Variants in ARFIP1 observed in about 807,000 individuals in gnomAD.
ARFIP1 encodes ARF interacting protein 1.
ARFIP1 carries 24 observed loss-of-function variants against 42.5 expected under a neutral mutation model. That is an observed-to-expected ratio of 0.57 (90% CI 0.41 to 0.80). The LOEUF (loss-of-function observed/expected upper bound fraction) is 0.80. Ranked by LOEUF, ARFIP1 falls within the 30% of genes least tolerant of loss-of-function variation. The pLI is 0.00. For synonymous variants in ARFIP1, 141 were observed against 153.7 expected (o/e 0.92, Z 0.61); for missense variants, 354 against 434.0 (o/e 0.82, Z 1.64).
chr4:152,811,136 A>G (rs1342624027), intron 1 of ARFIP1, among the ~76,000 whole-genome samples: 1 of 147,470 alleles, frequency 6.8e-6, no homozygotes, highest in Admixed American at 6.8e-5. Context: ...TGGTTGTTAA[A>G]CATTTACTAG....
chr4:152,873,056 G>T (rs1336525524), intron 5 of ARFIP1, among the ~76,000 whole-genome samples: 1 of 152,164 alleles, frequency 6.6e-6, no homozygotes, highest in Non-Finnish European at 1.5e-5. Context: ...CAGAGTAATT[G>T]GTGATTATTT....
At chr4:152,851,269 T>G (rs1257452127) in intron 2 of ARFIP1, among the ~76,000 whole-genome samples, 3 of 152,178 alleles carry the variant, frequency 2.0e-5, no homozygotes, top group Non-Finnish European at 2.9e-5. Flanking sequence ...AAAAATGTTG[T>G]GCTAGGCCAA....
At chr4:152,836,030 T>A (rs766559788) in intron 2 of ARFIP1, among the ~76,000 whole-genome samples, 1 of 152,182 alleles carries the variant, frequency 6.6e-6, no homozygotes, top group Admixed American at 6.5e-5. Flanking sequence ...TCTGCCCTCA[T>A]GATCCAGTCA....
chr4:152,876,636 G>T (rs1735357785), intron 5 of ARFIP1, among the ~76,000 whole-genome samples: 1 of 152,252 alleles, frequency 6.6e-6, no homozygotes. Flanking sequence ...TAAGTAGCAA[G>T]GATCCTAATG....
At chr4:152,877,661 G>T (rs1298673695) in intron 5 of ARFIP1, among the ~76,000 whole-genome samples, 2 of 152,050 alleles carry the variant, frequency 1.3e-5, no homozygotes, top group African/African-American at 2.4e-5. Context: ...ATATGGTTTG[G>T]TTGTGTCCTC....
intron 8 of ARFIP1, among the ~76,000 whole-genome samples, chr4:152,907,181 C>T (rs947026544): frequency 3.3e-5 from 5 of 152,116 alleles, no homozygotes; most frequent in Admixed American, 3.3e-4. Context: ...TAGAGAAGTG[C>T]CTGACACATA....
rs1328429241 is a variant in ARFIP1 at position 152,820,649 on chromosome 4, A to G, written c.-9-8976A>G. 2.0e-5 allele frequency among the ~76,000 whole-genome samples: 3 copies of G among 152,134 alleles called. No homozygotes were observed. The East Asian group carries it at 5.8e-4, about 29-fold the overall frequency. On this transcript the variant is annotated intron_variant, in intron 1 of 8. Transcript: ENST00000353617. ...GGGAAGTGCTACACACTTTGAAACA[A>G]CCAGTTTTCATGAGAACTCACTATC... is the stretch of plus-strand genomic sequence containing the variant.
At position 152,858,354 on chromosome 4, in the gene ARFIP1, T is replaced by C. The variant is rs1322497886; in HGVS notation, c.94-5252T>C. Among the ~76,000 whole-genome samples the C allele has an allele frequency of 2.6e-5, 4 of 152,274 alleles. No homozygotes were observed. The East Asian group carries it at 7.7e-4, about 29-fold the overall frequency. On this transcript the variant is annotated intron_variant, in intron 2 of 8. Coordinates refer to ENST00000353617, the MANE Select transcript of ARFIP1 (RefSeq NM_001025595.3). ...GTTCCATAGCTCAGGCAGTACTTCC[T>C]TCCTTCCTATTTTGTTTTTTATGGA...
intron 5 of ARFIP1, 98 bp from the exon 6 acceptor site, chr4:152,880,865 G>C: frequency 1.1e-6 from 1 of 922,822 alleles, no homozygotes; most frequent in Non-Finnish European, 1.7e-6. Context: ...TGTTACGCTA[G>C]CTTGTTTGAA....
chr4:152,842,788 A>C (rs1732201043), intron 2 of ARFIP1, among the ~76,000 whole-genome samples: 1 of 151,724 alleles, frequency 6.6e-6, no homozygotes, highest in South Asian at 2.1e-4. Flanking sequence ...CCTTTATACT[A>C]TCTATTTCCT....
chr4:152,899,846 T>C (rs1737672668), intron 8 of ARFIP1, among the ~76,000 whole-genome samples: 1 of 152,290 alleles, frequency 6.6e-6, no homozygotes, highest in South Asian at 2.1e-4. Flanking sequence ...TATATCTGTA[T>C]AATATGTGAT....
At chr4:152,856,997 A>G (rs1001807962) in intron 2 of ARFIP1, among the ~76,000 whole-genome samples, 10 of 152,232 alleles carry the variant, frequency 6.6e-5, no homozygotes, top group Non-Finnish European at 1.3e-4. Flanking sequence ...TTGATTTTAG[A>G]TATTGAAAAC....
intron 1 of ARFIP1, among the ~76,000 whole-genome samples, chr4:152,818,209 A>G (rs994026138): frequency 6.6e-6 from 1 of 152,336 alleles, no homozygotes; most frequent in African/African-American, 2.4e-5. Context: ...AAAAACGGAA[A>G]CTACAGACCC....
intron 8 of ARFIP1, among the ~76,000 whole-genome samples, chr4:152,895,551 C>CTTT (rs34697452): frequency 3.1e-5 from 2 of 63,898 alleles, no homozygotes; most frequent in Admixed American, 2.3e-4. Flanking sequence ...TGCACTTGGC[C>CTTT]TTTTTTTTTT....
intron 2 of ARFIP1, among the ~76,000 whole-genome samples, chr4:152,861,716 G>C (rs934220386): frequency 6.6e-6 from 1 of 151,992 alleles, no homozygotes; most frequent in Non-Finnish European, 1.5e-5. Context: ...TTGCATTTTG[G>C]TTCATGATTA....
intron 8 of ARFIP1, among the ~76,000 whole-genome samples, chr4:152,889,836 CTATA>C (rs1272282572): frequency 6.1e-5 from 6 of 98,814 alleles, no homozygotes; most frequent in African/African-American, 1.2e-4. Context: ...ATACTATATA[CTATA>C]TATATACTAT....
At chr4:152,808,034 G>A (rs111847434) in intron 1 of ARFIP1, among the ~76,000 whole-genome samples, 186 of 152,124 alleles carry the variant, frequency 1.2e-3, no homozygotes, top group African/African-American at 4.2e-3. Context: ...AGGCCGGAGT[G>A]CAGTGGCACG....
intron 1 of ARFIP1, chr4:152,796,526 C>G: frequency 1.3e-6 from 1 of 765,198 alleles, no homozygotes; most frequent in Non-Finnish European, 2.4e-6. Context: ...TCTGTTTAAT[C>G]ATATTGGAAA....
chr4:152,848,043 C>T (rs1298242784), intron 2 of ARFIP1, among the ~76,000 whole-genome samples: 1 of 152,074 alleles, frequency 6.6e-6, no homozygotes, highest in Non-Finnish European at 1.5e-5. Context: ...CTTAAGAACC[C>T]CCCACCTGTA....
Sources: gnomAD v4.1 joint callset for allele counts (sites outside exome capture counted in the v4.1 genomes callset) on GRCh38, gnomAD v4.1.1 for gene constraint, MANE v1.5 for transcripts, NCBI Gene and HGNC (gene_info 2026-07-23, HGNC 2026-07-21) for gene names.